MSRB3: variants seen among roughly 807,000 people sequenced by gnomAD.
The protein encoded by MSRB3 is methionine sulfoxide reductase B3.
In MSRB3, 13 loss-of-function variants were observed where a neutral mutation model predicts 21.0. That is an observed-to-expected ratio of 0.62 (90% CI 0.40 to 0.98). The LOEUF (loss-of-function observed/expected upper bound fraction) is 0.98. Among genes scored for constraint, MSRB3 ranks in the 50% least tolerant of loss-of-function variants. MSRB3 has a pLI of 0.00. For synonymous variants in MSRB3, 87 were observed against 88.6 expected (o/e 0.98, Z 0.10); for missense variants, 199 against 230.3 (o/e 0.86, Z 0.88).
At chr12:65,445,463 C>T (rs1205124586) in intron 5 of MSRB3, among the ~76,000 whole-genome samples, 1 of 149,880 alleles carries the variant, frequency 6.7e-6, no homozygotes, top group Admixed American at 6.7e-5. Context: ...TTTACAACTA[C>T]TGGGTTCCTG....
At chr12:65,345,629 G>A (rs142794798) in intron 4 of MSRB3, among the ~76,000 whole-genome samples, 8,694 of 152,078 alleles carry the variant, frequency 0.057, 548 homozygotes, top group African/African-American at 0.15. Context: ...TATGCACAAC[G>A]TGCAGGTTTG....
intron 5 of MSRB3, among the ~76,000 whole-genome samples, chr12:65,417,253 A>T (rs990639876): frequency 6.6e-6 from 1 of 152,180 alleles, no homozygotes; most frequent in Non-Finnish European, 1.5e-5. Context: ...AATTAATGAC[A>T]TTAGCAGGTA....
chr12:65,301,266 AAAT>A (rs1372253273), intron 1 of MSRB3, among the ~76,000 whole-genome samples: 23 of 152,216 alleles, frequency 1.5e-4, no homozygotes, highest in African/African-American at 4.8e-4. Flanking sequence ...AATGCCTTGT[AAAT>A]AATAACATAC....
At chr12:65,447,580 G>T (rs928133463) in intron 5 of MSRB3, among the ~76,000 whole-genome samples, 12 of 152,086 alleles carry the variant, frequency 7.9e-5, no homozygotes, top group Admixed American at 7.2e-4. Context: ...CATTTAAAAT[G>T]GTATATTTTG....
chr12:65,411,092 T>C (rs1246956040), intron 5 of MSRB3, among the ~76,000 whole-genome samples: 1 of 152,222 alleles, frequency 6.6e-6, no homozygotes, highest in Non-Finnish European at 1.5e-5. Context: ...TTCAAATATG[T>C]AAATAAAGCT....
At chr12:65,368,872 T>A (rs1898668) in intron 4 of MSRB3, 126 bp from the exon 5 acceptor site, 1 of 660,448 alleles carries the variant, frequency 1.5e-6, no homozygotes, top group South Asian at 1.8e-5. Context: ...TATATTAACA[T>A]TTTAGAAATA....
At chr12:65,287,740 G>A (rs1051955230) in intron 1 of MSRB3, among the ~76,000 whole-genome samples, 1 of 152,174 alleles carries the variant, frequency 6.6e-6, no homozygotes, top group African/African-American at 2.4e-5. Flanking sequence ...CGCCTTAGGG[G>A]GCCAGGAAGA....
chr12:65,390,578 A>C (rs1879428412), intron 5 of MSRB3, among the ~76,000 whole-genome samples: 1 of 152,210 alleles, frequency 6.6e-6, no homozygotes, highest in South Asian at 2.1e-4. Flanking sequence ...AATTGATGCA[A>C]TCTTTCTGAA....
intron 2 of MSRB3, among the ~76,000 whole-genome samples, chr12:65,322,544 A>T (rs1448398355): frequency 2.0e-5 from 3 of 150,646 alleles, no homozygotes; most frequent in African/African-American, 7.3e-5. Context: ...AATCCCAGCC[A>T]CTCTGGAGGC....
intron 4 of MSRB3, among the ~76,000 whole-genome samples, chr12:65,346,471 G>C (rs1443354243): frequency 6.6e-6 from 1 of 152,086 alleles, no homozygotes; most frequent in Non-Finnish European, 1.5e-5. Context: ...GTTCATTGTA[G>C]TTTCTGGATA....
intron 1 of MSRB3, among the ~76,000 whole-genome samples, chr12:65,296,349 T>G (rs764037027): frequency 2.6e-5 from 4 of 152,236 alleles, no homozygotes; most frequent in Non-Finnish European, 5.9e-5. Flanking sequence ...TTCTCTCTTT[T>G]AAACTTCGTC....
intron 4 of MSRB3, among the ~76,000 whole-genome samples, chr12:65,362,821 G>A (rs1200545755): frequency 6.6e-6 from 1 of 152,158 alleles, no homozygotes; most frequent in Non-Finnish European, 1.5e-5. Flanking sequence ...TTGTGTTCAT[G>A]TAAATTGAAA....
intron 5 of MSRB3, among the ~76,000 whole-genome samples, chr12:65,386,897 G>A (rs143486814): frequency 5.3e-5 from 8 of 152,126 alleles, no homozygotes; most frequent in African/African-American, 1.4e-4. Context: ...GACTAATGTA[G>A]CAAAGACCTT....
intron 5 of MSRB3, among the ~76,000 whole-genome samples, chr12:65,428,794 T>A (rs1277341043): frequency 1.3e-5 from 2 of 152,202 alleles, no homozygotes; most frequent in African/African-American, 2.4e-5. Flanking sequence ...AATTGGTATT[T>A]TAGAAAACGC....
At chr12:65,313,112 G>A (rs140055314) in intron 2 of MSRB3, among the ~76,000 whole-genome samples, 1 of 152,138 alleles carries the variant, frequency 6.6e-6, no homozygotes, top group Non-Finnish European at 1.5e-5. Context: ...TTTGAGTTTT[G>A]GTAGTAAACT....
At chr12:65,333,840 T>TA (rs1322228080) in intron 4 of MSRB3, among the ~76,000 whole-genome samples, 1 of 152,242 alleles carries the variant, frequency 6.6e-6, no homozygotes, top group Non-Finnish European at 1.5e-5. Flanking sequence ...ACCTTAGTCA[T>TA]ATTTATATTT....
chr12:65,335,658 AAG>A, intron 4 of MSRB3, among the ~76,000 whole-genome samples: 1 of 152,232 alleles, frequency 6.6e-6, no homozygotes, highest in South Asian at 2.1e-4. Context: ...GTGAGAAGAT[AAG>A]AGTTTTCCCG....
Position 65,457,318 on chromosome 12 carries a change from C to A in MSRB3, c.390+3493C>A, listed in dbSNP as rs186128895. Among the ~76,000 whole-genome samples the A allele has an allele frequency of 9.9e-5, 15 of 152,062 alleles. No homozygotes were observed. The East Asian group carries it at 1.7e-3, about 18-fold the overall frequency. The stretch of plus-strand genomic sequence containing the variant: ...CACGTGCCATGGTGGTTTGCTGCAC[C>A]CATCAACCCATCATCTGCATTAGGT... On this transcript the variant is annotated intron_variant, in intron 6 of 6. Transcript: ENST00000308259.
chr12:65,328,325 A>G (rs963694276), intron 3 of MSRB3, among the ~76,000 whole-genome samples: 5 of 151,962 alleles, frequency 3.3e-5, no homozygotes, highest in African/African-American at 1.2e-4. Context: ...AACTTGCACT[A>G]GTTTGGAGTA....
Sources: gnomAD v4.1 joint callset for allele counts (sites outside exome capture counted in the v4.1 genomes callset) on GRCh38, gnomAD v4.1.1 for gene constraint, MANE v1.5 for transcripts, NCBI Gene and HGNC (gene_info 2026-07-23, HGNC 2026-07-21) for gene names.